The following CYP7B1 variants were observed in gnomAD, a reference collection of about 807,000 sequenced individuals.
CYP7B1 encodes the protein cytochrome P450 family 7 subfamily B member 1, also known as cytochrome P450 7B1.
A neutral mutation model predicts 42.7 loss-of-function variants in CYP7B1; 29 were observed. The ratio of observed to expected loss-of-function variants is 0.68; its 90% CI spans 0.51 to 0.93. The LOEUF (loss-of-function observed/expected upper bound fraction) is 0.93. Among genes scored for constraint, CYP7B1 ranks in the 40% least tolerant of loss-of-function variants. The pLI is 0.00. For synonymous variants in CYP7B1, 235 were observed against 218.2 expected (o/e 1.08, Z -0.68); for missense variants, 655 against 600.5 (o/e 1.09, Z -0.95).
At chr8:64,728,022 A>C (rs1392711268) in intron 1 of CYP7B1, 2 of 152,240 alleles carry the variant, frequency 1.3e-5, no homozygotes, top group East Asian at 3.8e-4. Flanking sequence ...TCATTTGGAC[A>C]ATAGGGTCAT....
At chr8:64,740,637 T>C (rs1807554051) in intron 1 of CYP7B1, among the ~76,000 whole-genome samples, 1 of 151,408 alleles carries the variant, frequency 6.6e-6, no homozygotes, top group Admixed American at 6.6e-5. Flanking sequence ...AGAGAAGATA[T>C]AACTTGCCAA....
At chr8:64,596,974 G>A (rs1370786613) in intron 5 of CYP7B1, 45 bp from the exon 6 acceptor site, 2 of 1,537,374 alleles carry the variant, frequency 1.3e-6, no homozygotes, top group Non-Finnish European at 1.8e-6. Flanking sequence ...ATATGAAATA[G>A]TTTGAGTTCA....
chr8:64,772,058 T>C (rs1804243937), intron 1 of CYP7B1, among the ~76,000 whole-genome samples: 1 of 152,244 alleles, frequency 6.6e-6, no homozygotes. Context: ...CCTTGCTTCC[T>C]ATTTGATAAG....
intron 1 of CYP7B1, among the ~76,000 whole-genome samples, chr8:64,701,820 G>C (rs1806920554): frequency 1.3e-5 from 2 of 151,938 alleles, no homozygotes; most frequent in Admixed American, 6.6e-5. Context: ...CTGATCACAG[G>C]CTTAAGGAAA....
In CYP7B1 at chr8:64,595,670, A is replaced by C. The variant is rs995714867; in HGVS notation, c.*972T>G. Among the ~76,000 whole-genome samples the C allele has an allele frequency of 6.6e-6, 1 of 152,256 alleles. No individual in the cohort carries two copies. Among genetic ancestry groups the C allele is most frequent in the African/African-American group, 2.4e-5 (1 of 41,466 alleles). ...GACACAATGCTGCATGTGTCATATG[A>C]AATTACACTGCATTACATGATGTTG... On this transcript the variant is annotated 3_prime_UTR_variant, in exon 6 of 6. Transcript: ENST00000310193.
At chr8:64,674,682 C>T (rs2129631789) in intron 1 of CYP7B1, among the ~76,000 whole-genome samples, 1 of 152,098 alleles carries the variant, frequency 6.6e-6, no homozygotes, top group African/African-American at 2.4e-5. Context: ...CCGTAGTGCA[C>T]AGGAGAGTCT....
At chr8:64,723,363 CA>C (rs1563405263) in intron 1 of CYP7B1, among the ~76,000 whole-genome samples, 1 of 152,170 alleles carries the variant, frequency 6.6e-6, no homozygotes, top group Non-Finnish European at 1.5e-5. Context: ...CAATAAATGC[CA>C]AAATAGATGT....
chr8:64,739,138 AT>A (rs1453327306), intron 1 of CYP7B1, among the ~76,000 whole-genome samples: 3 of 152,176 alleles, frequency 2.0e-5, no homozygotes. Flanking sequence ...GGCACAGGGC[AT>A]TTCTCCTAGT....
At chr8:64,764,229 G>GCTCCCCCCCCCCCCCCCCCCCCCCC (rs1554539986) in intron 1 of CYP7B1, among the ~76,000 whole-genome samples, 11 of 125,150 alleles carry the variant, frequency 8.8e-5, no homozygotes, top group African/African-American at 2.8e-4. Context: ...CTTCCACGCT[G>GCTCCCCCCCCCCCCCCCCCCCCCCC]CCCCCCCCAC....
chr8:64,747,846 C>G (rs975525448), intron 1 of CYP7B1, among the ~76,000 whole-genome samples: 1 of 151,956 alleles, frequency 6.6e-6, no homozygotes, highest in African/African-American at 2.4e-5. Context: ...TTATCATCAC[C>G]ATTGTCATAT....
chr8:64,746,707 C>CT (rs1377304574), intron 1 of CYP7B1, among the ~76,000 whole-genome samples: 2 of 152,040 alleles, frequency 1.3e-5, no homozygotes, highest in Admixed American at 6.6e-5. Flanking sequence ...TTATAATAGA[C>CT]TTTTTTGTTA....
At chr8:64,790,470 C>T (rs1264584012) in intron 1 of CYP7B1, among the ~76,000 whole-genome samples, 1 of 152,054 alleles carries the variant, frequency 6.6e-6, no homozygotes, top group Non-Finnish European at 1.5e-5. Flanking sequence ...GCTCCTTGCC[C>T]CAAGATCAAT....
intron 1 of CYP7B1, among the ~76,000 whole-genome samples, chr8:64,650,693 A>G (rs1363266436): frequency 6.6e-6 from 1 of 152,182 alleles, no homozygotes; most frequent in Non-Finnish European, 1.5e-5. Flanking sequence ...CCACAGGTAA[A>G]ATCCTTTCTA....
At chr8:64,624,885 C>T (rs1054104330) in intron 1 of CYP7B1, among the ~76,000 whole-genome samples, 4 of 148,896 alleles carry the variant, frequency 2.7e-5, no homozygotes, top group African/African-American at 1.0e-4. Context: ...AGTCTTTTAT[C>T]CCTCATCCCA....
At position 64,721,146 on chromosome 8, in the gene CYP7B1, G is replaced by C. The variant is rs1313314906; in HGVS notation, c.122+77320C>G. 2.0e-5 allele frequency among the ~76,000 whole-genome samples: 3 copies of C among 149,064 alleles called. No individual in the cohort carries two copies. The East Asian group carries it at 5.9e-4, about 29-fold the overall frequency. On this transcript the variant is annotated intron_variant, in intron 1 of 5. Coordinates refer to ENST00000310193, the MANE Select transcript of CYP7B1 (RefSeq NM_004820.5). ...AAACTTTCTTGCTATTTTTTGCTTT[G>C]TTTTTGCTTTAAAGGTGAATGTATT...
Position 64,594,167 on chromosome 8 carries a change from G to A in CYP7B1, c.*2475C>T, listed in dbSNP as rs116858013. 5.3e-3 allele frequency among the ~76,000 whole-genome samples: 804 copies of A among 152,252 alleles called. 5 individuals are homozygous for A. The highest frequency in any genetic ancestry group is 0.01 in the Middle Eastern group (3 of 294). On this transcript the variant is annotated 3_prime_UTR_variant, in exon 6 of 6. Coordinates refer to ENST00000310193, the MANE Select transcript of CYP7B1 (RefSeq NM_004820.5). ...CATTTAGCAGCCCTGGGCTGAGATG[G>A]TTAGGCACAGTAGTGTGAGGATAGG...
At position 64,593,254 on chromosome 8, in the gene CYP7B1, T is replaced by TGTGTGC. The variant is rs1444470215; in HGVS notation, c.*3387_*3388insGCACAC. Among the ~76,000 whole-genome samples the TGTGTGC allele has an allele frequency of 6.7e-6, 1 of 149,964 alleles. No homozygotes were observed. Among genetic ancestry groups the TGTGTGC allele is most frequent in the Non-Finnish European group, 1.5e-5 (1 of 67,344 alleles). On this transcript the variant is annotated 3_prime_UTR_variant, in exon 6 of 6. Transcript: ENST00000310193. The stretch of plus-strand genomic sequence containing the variant: ...CAGGGTGTGTGTGTGTGTGTGTGTG[T>TGTGTGC]GTGTGTGTGTGTGTGTGTGTGTGTG...
At chr8:64,672,378 T>C (rs1037535139) in intron 1 of CYP7B1, among the ~76,000 whole-genome samples, 1 of 152,146 alleles carries the variant, frequency 6.6e-6, no homozygotes, top group Non-Finnish European at 1.5e-5. Flanking sequence ...ACACTGTTGG[T>C]AGACAAAGTC....
intron 1 of CYP7B1, among the ~76,000 whole-genome samples, chr8:64,632,687 T>A (rs1805714559): frequency 6.6e-6 from 1 of 152,106 alleles, no homozygotes; most frequent in Non-Finnish European, 1.5e-5. Context: ...AGAGGTGAAC[T>A]TCCTCTACTT....
Sources: allele counts gnomAD v4.1 joint callset (sites outside exome capture counted in the v4.1 genomes callset), GRCh38; gene constraint gnomAD v4.1.1; transcripts MANE v1.5; gene names NCBI Gene and HGNC (gene_info 2026-07-23, HGNC 2026-07-21).